OR6J1: variants seen among roughly 807,000 people sequenced by gnomAD.
OR6J1 encodes the protein olfactory receptor 6J1.
For synonymous variants in OR6J1, 109 were observed against 70.0 expected (o/e 1.56, Z -2.78); for missense variants, 304 against 166.8 (o/e 1.82, Z -4.53).
At position 22,634,344 on chromosome 14, in the gene OR6J1, G is replaced by C. The variant is rs188670650; in HGVS notation, c.468C>G (p.Leu156=). The C allele has an allele frequency of 5.4e-4, 381 of 703,338 alleles. 3 individuals carry two copies. In the African/African-American group the frequency reaches 6.0e-3, roughly 11 times the overall value. The allele number at this position is 703,338 out of a possible 1,614,324, so 43.6% of individuals were successfully genotyped here. Reference sequence around the variant, plus strand: ...GCTGGGAGATGAGGATGGTTGGAAAGAGCACAGACAGGAAGCCTCCCACCC... The same window carrying C: ...GCTGGGAGATGAGGATGGTTGGAAACAGCACAGACAGGAAGCCTCCCACCC... ...FSWVGGFLSV[L]FPTILISQLP... is the part of the protein sequence containing the mutation. The change falls in exon 2 of 2, where the codon CTC becomes CTG. Residue 156 remains leucine, a synonymous_variant. Transcript: ENST00000540461.
intron 1 of OR6J1, among the ~76,000 whole-genome samples, chr14:22,641,408 T>TGGAAGGAA (rs1203556278): frequency 1.6e-5 from 1 of 62,708 alleles, no homozygotes; most frequent in African/African-American, 4.8e-5. Context: ...AAAGGAAGGA[T>TGGAAGGAA]GGAAGGAAGG....
At chr14:22,641,375 A>G (rs1169427668) in intron 1 of OR6J1, among the ~76,000 whole-genome samples, 1 of 87,506 alleles carries the variant, frequency 1.1e-5, no homozygotes, top group Non-Finnish European at 2.4e-5. Flanking sequence ...GGGGGGAGAG[A>G]AGAAAGAAAG....
rs750277909 is a variant in OR6J1, at chr14:22,634,263, C to T, written c.549G>A (p.Leu183=). Reference sequence around the variant, plus strand: ...TGGTGTCTGCACAGGCCAGGGCCAGCAAGGGTCCACTGTCACAGAAGAAGT... The same window carrying T: ...TGGTGTCTGCACAGGCCAGGGCCAGTAAGGGTCCACTGTCACAGAAGAAGT... ...INHFFCDSGP[L]LALACADTTA... Residue 183 remains leucine, a synonymous_variant, in exon 2 of 2, where the codon TTG becomes TTA. Transcript: ENST00000540461. The T allele has an allele frequency of 1.4e-5, 10 of 703,116 alleles. No individual in the cohort carries two copies. Among genetic ancestry groups the T allele is most frequent in the Non-Finnish European group, 2.3e-5 (9 of 384,960 alleles). 43.6% of individuals were successfully genotyped at this position (703,116 alleles called of 1,614,324 possible).
intron 1 of OR6J1, among the ~76,000 whole-genome samples, chr14:22,635,085 A>G (rs1304017800): frequency 1.3e-5 from 2 of 152,214 alleles, no homozygotes; most frequent in Admixed American, 1.3e-4. Flanking sequence ...TTTCTAAAAG[A>G]TAATTTAGCA....
At chr14:22,637,589 G>C in intron 1 of OR6J1, among the ~76,000 whole-genome samples, 1 of 57,864 alleles carries the variant, frequency 1.7e-5, no homozygotes, top group Non-Finnish European at 3.4e-5. Context: ...GGAGGTGGGG[G>C]GGTCAGCCCC....
rs1418876190 is a variant in OR6J1, at chr14:22,632,763, T to C, written c.*1005A>G. 1 of 152,168 alleles carries C rather than the reference T, an allele frequency of 6.6e-6. No homozygotes were observed. The highest frequency in any genetic ancestry group is 1.5e-5 in the Non-Finnish European group (1 of 68,034). 9.4% of individuals were successfully genotyped at this position (152,168 alleles called of 1,614,324 possible). A position where few individuals can be genotyped will look rare whatever the true frequency, so the allele number is the denominator to read the frequency against. On this transcript the variant is annotated 3_prime_UTR_variant, in exon 2 of 2. Coordinates refer to ENST00000540461, the MANE Select transcript of OR6J1 (RefSeq NM_001348233.2). ...AACACATCAAATCCAGGAATAGGAA[T>C]CAAAATTCTACCAGCTCCAGCCCTA...
chr14:22,641,116 C>A (rs61972444), intron 1 of OR6J1, among the ~76,000 whole-genome samples: 9,750 of 150,298 alleles, frequency 0.065, 810 homozygotes, highest in African/African-American at 0.17. Context: ...GAGCCATGAT[C>A]ACACAGCACT....
intron 1 of OR6J1, among the ~76,000 whole-genome samples, chr14:22,635,980 C>T (rs879499327): frequency 4.4e-4 from 67 of 152,004 alleles, no homozygotes; most frequent in African/African-American, 1.3e-3. Context: ...TTAAAAGAGC[C>T]TTCAAATAAA....
chr14:22,643,752 CACACACACACACAGAGAGAGAG>C (rs1328045799), intron 1 of OR6J1, among the ~76,000 whole-genome samples: 5 of 107,178 alleles, frequency 4.7e-5, no homozygotes, highest in African/African-American at 1.9e-4. Flanking sequence ...CACACACACA[CACACACACACACAGAGAGAGAG>C]AGAGAGAGAG....
At chr14:22,640,230 GA>G (rs2037633577) in intron 1 of OR6J1, among the ~76,000 whole-genome samples, 54 of 108,482 alleles carry the variant, frequency 5.0e-4, no homozygotes, top group Non-Finnish European at 7.7e-4. Context: ...GGGAGGGAGG[GA>G]AGGAAGGATG....
rs75113815 is a variant in OR6J1 at position 22,640,236 on chromosome 14, A to T, written c.-28+3862T>A. Among the ~76,000 whole-genome samples, 144 of 101,756 alleles carry T rather than the reference A, an allele frequency of 1.4e-3. 1 individual carries two copies. The highest frequency in any genetic ancestry group is 5.6e-3 in the African/African-American group (138 of 24,564). The allele number at this position is 101,756 out of a possible 152,430, so 66.8% of individuals were successfully genotyped here. A position where few individuals can be genotyped will look rare whatever the true frequency, so the allele number is the denominator to read the frequency against. ...AGGGAGGGAGGGAGGGAGGGAAGGAAGGATGGAAGGAAGGAAGGAAGCAAG... is the reference window on the plus strand; with the variant it reads ...AGGGAGGGAGGGAGGGAGGGAAGGATGGATGGAAGGAAGGAAGGAAGCAAG... On this transcript the variant is annotated intron_variant, in intron 1 of 1. Coordinates refer to ENST00000540461, the MANE Select transcript of OR6J1 (RefSeq NM_001348233.2).
chr14:22,637,088 G>A (rs1362569212), intron 1 of OR6J1, among the ~76,000 whole-genome samples: 3 of 118,684 alleles, frequency 2.5e-5, no homozygotes, highest in African/African-American at 1.0e-4. Flanking sequence ...TGTGAGGAGC[G>A]CCTCTGCTGG....
chr14:22,639,233 GT>G (rs1244860663), intron 1 of OR6J1, among the ~76,000 whole-genome samples: 2,417 of 116,568 alleles, frequency 0.021, 318 homozygotes, highest in African/African-American at 0.11. Context: ...GAGGGAGGTG[GT>G]GGGGGGTCAG....
chr14:22,641,405 G>T (rs1423854772), intron 1 of OR6J1, among the ~76,000 whole-genome samples: 2 of 46,318 alleles, frequency 4.3e-5, no homozygotes, highest in African/African-American at 1.7e-4. Context: ...GAGAAAGGAA[G>T]GATGGAAGGA....
chr14:22,636,544 G>T (rs1375389209), intron 1 of OR6J1, among the ~76,000 whole-genome samples: 4 of 113,192 alleles, frequency 3.5e-5, no homozygotes, highest in Non-Finnish European at 5.1e-5. Flanking sequence ...CTGAGTGCCT[G>T]CGATTGCAGG....
Position 22,634,688 on chromosome 14 carries a change from G to C in OR6J1, c.124C>G (p.Leu42Val). 1.4e-6 allele frequency: 1 copy of C among 734,756 alleles called. No homozygotes were observed. Among genetic ancestry groups the C allele is most frequent in the Non-Finnish European group, 2.5e-6 (1 of 399,356 alleles). The allele number at this position is 734,756 out of a possible 1,614,324, so 45.5% of individuals were successfully genotyped here. The change falls in exon 2 of 2, where the codon CTG (leucine) becomes GTG (valine). Residue 42 changes from leucine (L) to valine (V), a missense_variant. Transcript: ENST00000540461. The part of the protein sequence containing the change: ...PTFLLTLLGN[L>V]LIISTVLSCS... The stretch of plus-strand genomic sequence containing the variant: ...GACAGCACAGTGGAGATGATGAGCA[G>C]GTTCCCCAGAAGAGTCAGCAGGAAC...
chr14:22,634,634 A>G lies in OR6J1; in HGVS notation c.178T>C (p.Phe60Leu). 1 of 743,420 alleles carries G rather than the reference A, an allele frequency of 1.3e-6. No homozygotes were observed. Among genetic ancestry groups the G allele is most frequent in the South Asian group, 1.4e-5 (1 of 70,648 alleles). The allele number at this position is 743,420 out of a possible 1,614,324, so 46.1% of individuals were successfully genotyped here. ...SCSRLHTPMYFFLCNLSILDI... is the reference protein window; with the variant it reads ...SCSRLHTPMYLFLCNLSILDI... ...AGGATAGAGAGGTTGCACAAGAAGA[A>G]GTACATGGGGGTGTGGAGGCGGGAG... The change falls in exon 2 of 2, where the codon TTC (phenylalanine) becomes CTC (leucine). Residue 60 changes from phenylalanine to leucine, a missense_variant. Physicochemically the swap from Phe to Leu is conservative, Grantham distance 22 (BLOSUM62 0). Coordinates refer to ENST00000540461, the MANE Select transcript of OR6J1 (RefSeq NM_001348233.2).
rs978194407 is a variant in OR6J1, at chr14:22,631,360, CT to C, written c.*2407del. On this transcript the variant is annotated 3_prime_UTR_variant, in exon 2 of 2. Transcript: ENST00000540461. ...AGACGGGCACGCCCAGGGGGGCCGTCTATAGGACTACACTCCCAGGCGCGTA... is the reference window on the plus strand; with the variant it reads ...AGACGGGCACGCCCAGGGGGGCCGTCATAGGACTACACTCCCAGGCGCGTA... 1 of 152,186 alleles carries C rather than the reference CT, an allele frequency of 6.6e-6. No homozygotes were observed. Among genetic ancestry groups the C allele is most frequent in the African/African-American group, 2.4e-5 (1 of 41,422 alleles). The allele number at this position is 152,186 out of a possible 1,614,324, so 9.4% of individuals were successfully genotyped here. A position where few individuals can be genotyped will look rare whatever the true frequency, so the allele number is the denominator to read the frequency against.
intron 1 of OR6J1, among the ~76,000 whole-genome samples, chr14:22,639,165 G>C (rs1395272354): frequency 1.7e-3 from 152 of 87,558 alleles, no homozygotes; most frequent in African/African-American, 4.1e-3. Flanking sequence ...CTCTCCGCCC[G>C]GCAGCCACCC....
Sources: gnomAD v4.1 joint callset for allele counts (sites outside exome capture counted in the v4.1 genomes callset) on GRCh38, gnomAD v4.1.1 for gene constraint, MANE v1.5 for transcripts, NCBI Gene and HGNC (gene_info 2026-07-23, HGNC 2026-07-21) for gene names.